Variants in TDRD1 observed in about 807,000 individuals in gnomAD.
The protein encoded by TDRD1 is tudor domain-containing protein 1.
A neutral mutation model predicts 140.6 loss-of-function variants in TDRD1; 37 were observed. The ratio of observed to expected loss-of-function variants is 0.26; its 90% confidence interval spans 0.20 to 0.35. The LOEUF is 0.35. TDRD1 is among the 10% of genes least tolerant of loss of function. The probability of loss-of-function intolerance (pLI) is 1.00; values close to 1 mark genes in which losing one functional copy is unlikely to be tolerated. For synonymous variants in TDRD1, 506 were observed against 475.7 expected (o/e 1.06, Z -0.83); for missense variants, 1,243 against 1,393.0 (o/e 0.89, Z 1.71).
At chr10:114,219,281 C>T (rs2035997378) in intron 18 of TDRD1, among the ~76,000 whole-genome samples, 2 of 152,176 alleles carry the variant, frequency 1.3e-5, no homozygotes, top group East Asian at 1.9e-4. Flanking sequence ...ACTTTCTGTG[C>T]TTCTGTTTCC....
At position 114,182,974 on chromosome 10, in the gene TDRD1, G is replaced by A. The variant is rs764219722; in HGVS notation, c.-7+3558G>A. Among the ~76,000 whole-genome samples, 24 of 152,196 alleles carry A rather than the reference G, an allele frequency of 1.6e-4. No homozygotes were observed. The East Asian group carries it at 4.0e-3, about 26-fold the overall frequency. On this transcript the variant is annotated intron_variant, in intron 1 of 25. Coordinates refer to ENST00000251864, the Ensembl canonical transcript of TDRD1. Reference sequence around the variant, plus strand: ...GCTGGGATTACAGGTGTGAGCCACCGCTCCCGGCCAATCATACGAATATCT... The same window carrying A: ...GCTGGGATTACAGGTGTGAGCCACCACTCCCGGCCAATCATACGAATATCT...
exon 15 of TDRD1, chr10:114,213,482 C>T (rs368173748): frequency 2.4e-4 from 381 of 1,613,796 alleles, no homozygotes; most frequent in Middle Eastern, 3.3e-4. Context: ...TTGATAAATC[C>T]GAGACGCCTC....
chr10:114,219,315 TC>T (rs1208490561), intron 18 of TDRD1, among the ~76,000 whole-genome samples: 2 of 152,196 alleles, frequency 1.3e-5, no homozygotes, highest in East Asian at 3.9e-4. Flanking sequence ...ATTCCTACCT[TC>T]CTCAAAGAGT....
At chr10:114,197,024 T>G (rs1169645919) in intron 3 of TDRD1, among the ~76,000 whole-genome samples, 1 of 151,758 alleles carries the variant, frequency 6.6e-6, no homozygotes, top group African/African-American at 2.4e-5. Flanking sequence ...TTTTTGTATT[T>G]TTAGTAGAGA....
At chr10:114,211,245 G>T (rs1022599283) in intron 13 of TDRD1, among the ~76,000 whole-genome samples, 1 of 152,142 alleles carries the variant, frequency 6.6e-6, no homozygotes, top group Non-Finnish European at 1.5e-5. Context: ...TGGTTTTGGG[G>T]ACTGGTAAAG....
intron 3 of TDRD1, among the ~76,000 whole-genome samples, chr10:114,195,042 G>C (rs2034250565): frequency 6.6e-6 from 1 of 151,818 alleles, no homozygotes. Flanking sequence ...TTACAGGCAT[G>C]AGTTGCCCTG....
At chr10:114,214,554 AT>A (rs2035686829) in intron 16 of TDRD1, among the ~76,000 whole-genome samples, 2 of 152,118 alleles carry the variant, frequency 1.3e-5, no homozygotes, top group Non-Finnish European at 2.9e-5. Context: ...CAAAAAACAA[AT>A]TTAACTTGTG....
chr10:114,230,767 TA>T (rs2036709401), intron 25 of TDRD1, among the ~76,000 whole-genome samples: 1 of 152,170 alleles, frequency 6.6e-6, no homozygotes, highest in Non-Finnish European at 1.5e-5. Flanking sequence ...AGAATGGGTG[TA>T]AAAATGTATT....
At chr10:114,226,341 TAA>T in intron 22 of TDRD1, 125 bp downstream of exon 22, 1 of 624,380 alleles carries the variant, frequency 1.6e-6, no homozygotes, top group Middle Eastern at 3.5e-4. Context: ...TTTTAAATAT[TAA>T]GAGTTTTCAA....
chr10:114,202,118 G>A (rs1046200211), intron 5 of TDRD1, 120 bp from the exon 6 acceptor site: 2 of 715,016 alleles, frequency 2.8e-6, no homozygotes, highest in African/African-American at 1.8e-5. Context: ...CTGTGATTCT[G>A]GAAGAAGCTG....
chr10:114,203,926 T>C (rs553963862), intron 8 of TDRD1, 147 bp from the exon 9 acceptor site: 2 of 930,620 alleles, frequency 2.1e-6, no homozygotes, highest in Admixed American at 3.1e-5. Context: ...CTTAGCAAGA[T>C]TCTTAAAAAA....
intron 1 of TDRD1, among the ~76,000 whole-genome samples, chr10:114,182,938 C>A (rs992626617): frequency 6.6e-6 from 1 of 152,166 alleles, no homozygotes; most frequent in East Asian, 1.9e-4. Context: ...CCCGCCTCAG[C>A]CTCCCAAAGT....
Sources: gnomAD v4.1 joint callset for allele counts (sites outside exome capture counted in the v4.1 genomes callset) on GRCh38, gnomAD v4.1.1 for gene constraint, MANE v1.5 for transcripts, NCBI Gene and HGNC (gene_info 2026-07-23, HGNC 2026-07-21) for gene names.